BBS5: variants seen among roughly 807,000 people sequenced by gnomAD.
BBS5 encodes the protein BBSome complex member BBS5.
Under a neutral mutation model 50.2 loss-of-function variants are expected in BBS5, and 39 were observed. That is an observed-to-expected ratio of 0.78 (90% CI 0.60 to 1.01). The LOEUF (loss-of-function observed/expected upper bound fraction) is 1.01. Among genes scored for constraint, BBS5 ranks in the 50% least tolerant of loss-of-function variants. The pLI is 0.00. For synonymous variants in BBS5, 134 were observed against 133.1 expected, an observed-to-expected ratio of 1.01 and a Z score of -0.05; for missense variants, 356 against 401.5, an observed-to-expected ratio of 0.89 and a Z score of 0.97.
At chr2:169,499,685 A>G (rs1644203554) in intron 9 of BBS5, 65 bp downstream of exon 9, 1 of 1,482,754 alleles carries the variant, frequency 6.7e-7, no homozygotes, top group African/African-American at 1.4e-5. Flanking sequence ...ATTCAGATGT[A>G]GATACCACTG....
At chr2:169,498,631 C>G (rs939466181) in intron 8 of BBS5, among the ~76,000 whole-genome samples, 3 of 151,930 alleles carry the variant, frequency 2.0e-5, no homozygotes, top group African/African-American at 4.8e-5. Flanking sequence ...CGGTGAAACC[C>G]TGTCTCTACT....
chr2:169,500,167 C>A (rs1341907311), intron 9 of BBS5, among the ~76,000 whole-genome samples: 1 of 152,302 alleles, frequency 6.6e-6, no homozygotes, highest in South Asian at 2.1e-4. Flanking sequence ...TGCTACTATT[C>A]CCTGCTCTCC....
intron 2 of BBS5, among the ~76,000 whole-genome samples, chr2:169,486,049 C>T (rs542305518): frequency 1.3e-5 from 2 of 152,334 alleles, no homozygotes; most frequent in African/African-American, 4.8e-5. Flanking sequence ...ACTTTACACT[C>T]CAGCCATGCT....
intron 1 of BBS5, among the ~76,000 whole-genome samples, chr2:169,481,484 G>T (rs1409344721): frequency 6.6e-6 from 1 of 152,180 alleles, no homozygotes; most frequent in Non-Finnish European, 1.5e-5. Context: ...CAGGATTTTG[G>T]ACTTCAACTT....
At chr2:169,490,540 C>T (rs1229879945) in intron 5 of BBS5, among the ~76,000 whole-genome samples, 1 of 151,958 alleles carries the variant, frequency 6.6e-6, no homozygotes, top group Non-Finnish European at 1.5e-5. Flanking sequence ...TTAATTATAC[C>T]CTTAGCTGTC....
chr2:169,500,483 G>T (rs577693711), intron 9 of BBS5, among the ~76,000 whole-genome samples: 2 of 152,160 alleles, frequency 1.3e-5, no homozygotes, highest in African/African-American at 4.8e-5. Context: ...CTGATCACTC[G>T]ATTGTAGACT....
At chr2:169,482,371 T>A (rs908627140) in intron 2 of BBS5, 38 bp downstream of exon 2, 6 of 1,284,636 alleles carry the variant, frequency 4.7e-6, no homozygotes, top group Non-Finnish European at 6.8e-6. Context: ...ATTCCTGGTT[T>A]AATTTACAAA....
chr2:169,487,197 T>C, intron 3 of BBS5, 63 bp downstream of exon 3: 1 of 1,053,262 alleles, frequency 9.5e-7, no homozygotes. Context: ...ATTTGCATGG[T>C]GCCTTTGATA....
chr2:169,504,460 ATC>A lies in BBS5; in HGVS notation c.925-20_925-19del. The A allele has an allele frequency of 6.2e-7, 1 of 1,606,276 alleles. No homozygotes were observed. The highest frequency in any genetic ancestry group is 8.5e-7 in the Non-Finnish European group (1 of 1,172,900). ...TGCCCACCTTCTCTATTCCCATCTT[ATC>A]CTCCTGTCTCCCAAAAAGCAACAAG... On this transcript the variant is annotated intron_variant, in intron 11 of 11. Coordinates refer to ENST00000295240, the MANE Select transcript of BBS5 (RefSeq NM_152384.3).
intron 5 of BBS5, among the ~76,000 whole-genome samples, chr2:169,489,059 A>G (rs1161736911): frequency 2.0e-5 from 3 of 151,996 alleles, no homozygotes; most frequent in Non-Finnish European, 2.9e-5. Flanking sequence ...TGGTGCAGTC[A>G]TAACTCACTG....
chr2:169,491,736 T>C (rs1448718649), intron 5 of BBS5, among the ~76,000 whole-genome samples: 1 of 152,102 alleles, frequency 6.6e-6, no homozygotes, highest in Non-Finnish European at 1.5e-5. Flanking sequence ...TCAGTACAGA[T>C]TCATTCTAGT....
intron 1 of BBS5, 51 bp downstream of exon 1, chr2:169,479,663 C>G (rs376220788): frequency 6.9e-6 from 11 of 1,604,450 alleles, no homozygotes; most frequent in African/African-American, 1.3e-5. Context: ...AGGGCGCCGC[C>G]GTGCGCGTTA....
Position 169,492,988 on chromosome 2 carries a change from T to A in BBS5, c.501T>A (p.Val167=), listed in dbSNP as rs75690869. 1.7e-3 allele frequency: 2,740 copies of A among 1,613,694 alleles called. 58 individuals are homozygous for A. In the African/African-American group the frequency reaches 0.032, roughly 19 times the overall value. The change falls in exon 6 of 12, where the codon GTT becomes GTA. Residue 167 remains valine, a synonymous_variant. Coordinates refer to ENST00000295240, the MANE Select transcript of BBS5 (RefSeq NM_152384.3). ...ATGTATATGATAAAATAAATGGAGT[T>A]TGGAATTTATCCAGTGATCAGGTAT... ...QEHVYDKING[V]WNLSSDQGNL... is the part of the protein sequence containing the mutation.
Position 169,505,712 on chromosome 2 carries a change from C to G in BBS5, c.*1130C>G, listed in dbSNP as rs1683901604. The G allele has an allele frequency of 4.8e-6, 1 of 206,772 alleles. No homozygotes were observed. The highest frequency in any genetic ancestry group is 9.8e-6 in the Non-Finnish European group (1 of 101,946). The allele number at this position is 206,772 out of a possible 1,614,324, so 12.8% of individuals were successfully genotyped here. A position where few individuals can be genotyped will look rare whatever the true frequency, so the allele number is the denominator to read the frequency against. On this transcript the variant is annotated 3_prime_UTR_variant, in exon 12 of 12. Coordinates refer to ENST00000295240, the MANE Select transcript of BBS5 (RefSeq NM_152384.3). Reference sequence around the variant, plus strand: ...GCCCCGTCTGATAAGTAAGGAGCCCCTCTGCCCAGCAGCCGCCCCGTCTGA... The same window carrying G: ...GCCCCGTCTGATAAGTAAGGAGCCCGTCTGCCCAGCAGCCGCCCCGTCTGA...
intron 2 of BBS5, among the ~76,000 whole-genome samples, chr2:169,483,952 A>T (rs1683445889): frequency 6.6e-6 from 1 of 152,176 alleles, no homozygotes; most frequent in Admixed American, 6.5e-5. Flanking sequence ...TCTCATACAG[A>T]TTGGCAGGAA....
Position 169,497,542 on chromosome 2 carries a change from C to T in BBS5, c.619-85C>T, listed in dbSNP as rs923611722. On this transcript the variant is annotated intron_variant, in intron 7 of 11. Coordinates refer to ENST00000295240, the MANE Select transcript of BBS5 (RefSeq NM_152384.3). ...TTCTTTAGACTATGAAAAGTAAATACTGTGTAAAGTTTAAAAACTGAGTTA... is the reference window on the plus strand; with the variant it reads ...TTCTTTAGACTATGAAAAGTAAATATTGTGTAAAGTTTAAAAACTGAGTTA... 4.4e-5 allele frequency: 36 copies of T among 823,066 alleles called. 1 individual carries two copies. The highest frequency in any genetic ancestry group is 4.4e-4 in the South Asian group (30 of 68,820). The allele number at this position is 823,066 out of a possible 1,614,324, so 51.0% of individuals were successfully genotyped here.
intron 10 of BBS5, among the ~76,000 whole-genome samples, chr2:169,503,511 AAAAG>A (rs1196083246): frequency 6.6e-6 from 1 of 152,250 alleles, no homozygotes; most frequent in Non-Finnish European, 1.5e-5. Context: ...AAAAAGAAAA[AAAAG>A]GAAAGAAATG....
At chr2:169,500,973 G>C (rs1315310425) in intron 9 of BBS5, among the ~76,000 whole-genome samples, 2 of 152,044 alleles carry the variant, frequency 1.3e-5, no homozygotes, top group Non-Finnish European at 2.9e-5. Flanking sequence ...TATTCTTTCA[G>C]CTTATGGTTC....
At chr2:169,483,629 G>A (rs1419560814) in intron 2 of BBS5, among the ~76,000 whole-genome samples, 1 of 152,154 alleles carries the variant, frequency 6.6e-6, no homozygotes, top group Non-Finnish European at 1.5e-5. Flanking sequence ...GAAGACACCA[G>A]AGGAAATAAT....
Sources: allele counts gnomAD v4.1 joint callset (sites outside exome capture counted in the v4.1 genomes callset), GRCh38; gene constraint gnomAD v4.1.1; transcripts MANE v1.5; gene names NCBI Gene and HGNC (gene_info 2026-07-23, HGNC 2026-07-21).